The following ZNF625 variants were observed in gnomAD, a reference collection of about 807,000 sequenced individuals.
ZNF625 encodes the protein zinc finger protein 625.
ZNF625 carries 8 observed loss-of-function variants against 11.1 expected under a neutral mutation model. The observed-to-expected ratio is 0.72, with a 90% CI of 0.42 to 1.30. ZNF625 has a LOEUF of 1.30. ZNF625 is among the 50% of genes most tolerant of loss of function. The pLI, the probability that ZNF625 is intolerant of heterozygous loss-of-function variation, is 0.01. For synonymous variants in ZNF625, 145 were observed against 153.4 expected (o/e 0.95, Z 0.41); for missense variants, 349 against 447.6 (o/e 0.78, Z 1.99).
chr19:12,145,587 A>G lies in ZNF625; in HGVS notation c.829T>C (p.Cys277Arg). The change falls in exon 4 of 4, where the codon TGT becomes CGT. Residue 277 changes from cysteine to arginine, a missense_variant. Transcript: ENST00000439556. ...ITHTGEKPYE[C>R]KQCGKAFVSF... The stretch of plus-strand genomic sequence containing the variant: ...ACAAAGGCTTTCCCACACTGTTTAC[A>G]TTCATACGGCTTCTCCCCAGTGTGA... 1 of 1,614,136 alleles carries G rather than the reference A, an allele frequency of 6.2e-7. No individual in the cohort carries two copies. The highest frequency in any genetic ancestry group is 8.5e-7 in the Non-Finnish European group (1 of 1,179,960).
At position 12,156,712 on chromosome 19, in the gene ZNF625, C is replaced by A. The variant is rs1977033897; in HGVS notation, c.-154G>T. The A allele has an allele frequency of 4.5e-6, 3 of 666,544 alleles. No individual in the cohort carries two copies. Among genetic ancestry groups the A allele is most frequent in the Non-Finnish European group, 6.4e-6 (3 of 468,810 alleles). The allele number at this position is 666,544 out of a possible 1,614,324, so 41.3% of individuals were successfully genotyped here. ...ATCCCGACCTCCCTTTGGTGCAAGA[C>A]GCCTGGGAGTCAGGAAAGCGGGAAT... On this transcript the variant is annotated 5_prime_UTR_variant, in exon 1 of 4. Coordinates refer to ENST00000439556, the MANE Select transcript of ZNF625 (RefSeq NM_145233.4).
chr19:12,150,508 C>T (rs1976940129), intron 1 of ZNF625, among the ~76,000 whole-genome samples: 1 of 152,178 alleles, frequency 6.6e-6, no homozygotes, highest in African/African-American at 2.4e-5. Context: ...TCACCAAGTT[C>T]CATCCTCTCC....
At chr19:12,150,064 G>C (rs1172792160) in intron 1 of ZNF625, among the ~76,000 whole-genome samples, 1 of 152,118 alleles carries the variant, frequency 6.6e-6, no homozygotes, top group East Asian at 1.9e-4. Flanking sequence ...ACACAACAAA[G>C]TTTCCGGTGG....
At chr19:12,155,223 C>CAAAA (rs56868873) in intron 1 of ZNF625, among the ~76,000 whole-genome samples, 2 of 112,970 alleles carry the variant, frequency 1.8e-5, no homozygotes, top group Admixed American at 9.4e-5. Context: ...GGCTCCATCT[C>CAAAA]AAAAAAAAAA....
At chr19:12,152,433 C>T (rs566046251) in intron 1 of ZNF625, among the ~76,000 whole-genome samples, 11 of 152,106 alleles carry the variant, frequency 7.2e-5, no homozygotes, top group Admixed American at 1.3e-4. Flanking sequence ...CTGCTCTCAC[C>T]TCTGAAAATC....
rs539435346 is a variant in ZNF625, at chr19:12,148,324, CA to C, written c.4-523del. Among the ~76,000 whole-genome samples the C allele has an allele frequency of 2.7e-3, 417 of 151,976 alleles. 4 individuals are homozygous for C. The highest frequency in any genetic ancestry group is 9.1e-3 in the African/African-American group (377 of 41,458). On this transcript the variant is annotated intron_variant, in intron 1 of 3. Transcript: ENST00000439556. ...TGATAAGAGTCATAACTAACTAAAA[CA>C]AAAAATCAAGAGCAGAAACCTTTCT...
At chr19:12,152,501 A>G (rs1976969678) in intron 1 of ZNF625, among the ~76,000 whole-genome samples, 1 of 152,090 alleles carries the variant, frequency 6.6e-6, no homozygotes, top group Admixed American at 6.6e-5. Context: ...CAAGAACATC[A>G]TAATAGATGC....
intron 3 of ZNF625, 60 bp downstream of exon 3, chr19:12,147,334 AT>A: frequency 7.5e-7 from 1 of 1,334,558 alleles, no homozygotes; most frequent in Non-Finnish European, 1.0e-6. Context: ...TCTTTTTAAC[AT>A]TTTCTTCCAT....
chr19:12,155,655 C>T (rs1455093634), intron 1 of ZNF625, among the ~76,000 whole-genome samples: 2 of 152,196 alleles, frequency 1.3e-5, no homozygotes, highest in East Asian at 3.8e-4. Context: ...TTCCCTTGGT[C>T]ACGTTCTCTC....
chr19:12,156,732 G>T lies in ZNF625; in HGVS notation c.-174C>A. 1.9e-6 allele frequency: 1 copy of T among 535,018 alleles called. No homozygotes were observed. Among genetic ancestry groups the T allele is most frequent in the South Asian group, 9.2e-5 (1 of 10,902 alleles). The allele number at this position is 535,018 out of a possible 1,614,324, so 33.1% of individuals were successfully genotyped here. A position where few individuals can be genotyped will look rare whatever the true frequency, so the allele number is the denominator to read the frequency against. On this transcript the variant is annotated 5_prime_UTR_variant, in exon 1 of 4. Coordinates refer to ENST00000439556, the MANE Select transcript of ZNF625 (RefSeq NM_145233.4). ...CAAGACGCCTGGGAGTCAGGAAAGC[G>T]GGAATGCGGCCTCCCCTTCCCCGGA...
intron 1 of ZNF625, among the ~76,000 whole-genome samples, chr19:12,152,036 T>G (rs1359167688): frequency 2.0e-5 from 3 of 152,130 alleles, no homozygotes; most frequent in Non-Finnish European, 4.4e-5. Flanking sequence ...TGGTGTATTC[T>G]GCAGGCTAAT....
At chr19:12,150,994 G>A (rs1976946214) in intron 1 of ZNF625, among the ~76,000 whole-genome samples, 2 of 152,146 alleles carry the variant, frequency 1.3e-5, no homozygotes. Flanking sequence ...TGTCATAAAG[G>A]AGACTGAGGT....
intron 3 of ZNF625, among the ~76,000 whole-genome samples, chr19:12,147,142 G>T (rs886632224): frequency 2.0e-5 from 3 of 151,408 alleles, no homozygotes; most frequent in Non-Finnish European, 4.4e-5. Flanking sequence ...AATTTTTTTG[G>T]ATTTTTAGTA....
At chr19:12,152,083 GTA>G (rs757177896) in intron 1 of ZNF625, among the ~76,000 whole-genome samples, 2 of 152,058 alleles carry the variant, frequency 1.3e-5, no homozygotes, top group Non-Finnish European at 2.9e-5. Context: ...GAGGATAAAA[GTA>G]TATAAATTTA....
intron 1 of ZNF625, among the ~76,000 whole-genome samples, chr19:12,149,761 C>T (rs559023960): frequency 6.7e-5 from 10 of 150,310 alleles, no homozygotes; most frequent in African/African-American, 2.0e-4. Context: ...TTTTTTCAGA[C>T]GGAGTTTCGC....
chr19:12,147,615 C>G, intron 2 of ZNF625, 61 bp downstream of exon 2: 1 of 1,610,928 alleles, frequency 6.2e-7, no homozygotes, highest in East Asian at 2.2e-5. Context: ...CTCAACACTA[C>G]TGACAAGCTA....
In ZNF625 at chr19:12,145,873, G is replaced by A. The variant is rs372458765; in HGVS notation, c.543C>T (p.His181=). 5 of 1,614,122 alleles carry A rather than the reference G, an allele frequency of 3.1e-6. No homozygotes were observed. Among genetic ancestry groups the A allele is most frequent in the South Asian group, 2.2e-5 (2 of 91,082 alleles). ...SFISRSSIRR[H]RIMHSGDGPY... is the part of the protein sequence containing the mutation. ...GTCCATCTCCACTGTGCATTATCCTGTGTCTTCGAATGCTTGAACGGGAAA... is the reference window on the plus strand; with the variant it reads ...GTCCATCTCCACTGTGCATTATCCTATGTCTTCGAATGCTTGAACGGGAAA... The change falls in exon 4 of 4, where the codon CAC becomes CAT. Residue 181 remains histidine, a synonymous_variant. Coordinates refer to ENST00000439556, the MANE Select transcript of ZNF625 (RefSeq NM_145233.4).
Position 12,149,377 on chromosome 19 carries a change from G to GTATA in ZNF625, c.4-1579_4-1576dup, listed in dbSNP as rs112874033. On this transcript the variant is annotated intron_variant, in intron 1 of 3. Transcript: ENST00000439556. ...TGAATGAATAACAAAAATGTGATAGGTATATATATATATATGCAATGGAAT... is the reference window on the plus strand; with the variant it reads ...TGAATGAATAACAAAAATGTGATAGGTATATATATATATATATATGCAATGGAAT... Among the ~76,000 whole-genome samples, 71 of 148,712 alleles carry GTATA rather than the reference G, an allele frequency of 4.8e-4. 1 individual carries two copies. Among genetic ancestry groups the GTATA allele is most frequent in the South Asian group, 1.9e-3 (9 of 4,698 alleles).
intron 1 of ZNF625, among the ~76,000 whole-genome samples, chr19:12,148,296 G>A (rs1976905461): frequency 6.6e-6 from 1 of 151,834 alleles, no homozygotes; most frequent in African/African-American, 2.4e-5. Flanking sequence ...CTACCAATCT[G>A]ACTGATAAGA....
Sources: allele counts gnomAD v4.1 joint callset (sites outside exome capture counted in the v4.1 genomes callset), GRCh38; gene constraint gnomAD v4.1.1; transcripts MANE v1.5; gene names NCBI Gene and HGNC (gene_info 2026-07-23, HGNC 2026-07-21).